DOCK6: variants seen among roughly 807,000 people sequenced by gnomAD.
DOCK6 encodes the protein dedicator of cytokinesis protein 6.
In DOCK6, 167 loss-of-function variants were observed where a neutral mutation model predicts 230.3. The observed-to-expected ratio is 0.73, with a 90% CI of 0.64 to 0.82. DOCK6 has a LOEUF of 0.82. DOCK6 is among the 40% of genes least tolerant of loss of function. The probability of loss-of-function intolerance (pLI) is 0.00; values close to 1 mark genes in which losing one functional copy is unlikely to be tolerated. For synonymous variants in DOCK6, 1,148 were observed against 1,185.0 expected (o/e 0.97, Z 0.64); for missense variants, 2,598 against 2,825.8 (o/e 0.92, Z 1.83).
In DOCK6 at chr19:11,224,190, T is replaced by TTTTCTTTCTTTC. The variant is rs199688091; in HGVS notation, c.2956-1096_2956-1085dup. 1.4e-3 allele frequency among the ~76,000 whole-genome samples: 210 copies of TTTTCTTTCTTTC among 146,398 alleles called. 2 individuals are homozygous for TTTTCTTTCTTTC. Among genetic ancestry groups the TTTTCTTTCTTTC allele is most frequent in the African/African-American group, 4.3e-3 (168 of 38,800 alleles). On this transcript the variant is annotated intron_variant, in intron 24 of 47. Coordinates refer to ENST00000294618, the MANE Select transcript of DOCK6 (RefSeq NM_020812.4). The stretch of plus-strand genomic sequence containing the variant: ...TTTCAATGGCAAAAACTGTAATTAC[T>TTTTCTTTCTTTC]TTTCTTTCTTTCTTTCTTTCTTTCT...
intron 4 of DOCK6, 55 bp downstream of exon 4, chr19:11,252,427 C>T: frequency 1.9e-5 from 30 of 1,602,100 alleles, no homozygotes; most frequent in Non-Finnish European, 2.5e-5. Flanking sequence ...CTGCAGACAT[C>T]AGCTCAGCCC....
rs2080111296 is a variant in DOCK6, at chr19:11,251,082, T to C, written c.512A>G (p.Asp171Gly). 1 of 1,609,546 alleles carries C rather than the reference T, an allele frequency of 6.2e-7. No homozygotes were observed. Among genetic ancestry groups the C allele is most frequent in the Admixed American group, 1.7e-5 (1 of 59,298 alleles). The change falls in exon 6 of 48, where the codon GAC (aspartate) becomes GGC (glycine). Residue 171 changes from aspartate (D) to glycine (G), a missense_variant. By Grantham distance (94) the Asp-to-Gly change is moderately conservative. Transcript: ENST00000294618. ...DERSGPEDSNDSRRGSGSPED... is the reference protein window; with the variant it reads ...DERSGPEDSNGSRRGSGSPED... Reference sequence around the variant, plus strand: ...CGGGGAGCCCGAGCCACGCCGGGAGTCATTCTGCCAGTGGAGAATGTGCAA... The same window carrying C: ...CGGGGAGCCCGAGCCACGCCGGGAGCCATTCTGCCAGTGGAGAATGTGCAA...
intron 22 of DOCK6, among the ~76,000 whole-genome samples, chr19:11,231,224 T>G (rs2079760755): frequency 6.6e-6 from 1 of 152,184 alleles, no homozygotes; most frequent in Admixed American, 6.5e-5. Context: ...CTCCTCTCTG[T>G]GCGTACAGTC....
At chr19:11,227,153 C>T (rs2079678351) in intron 24 of DOCK6, among the ~76,000 whole-genome samples, 184 bp downstream of exon 24, 1 of 152,200 alleles carries the variant, frequency 6.6e-6, no homozygotes, top group Non-Finnish European at 1.5e-5. Context: ...TATTGCTACA[C>T]CCAGCACAGG....
intron 39 of DOCK6, 118 bp from the exon 40 acceptor site, chr19:11,204,449 A>G (rs985530112): frequency 2.4e-5 from 34 of 1,422,138 alleles, no homozygotes; most frequent in Non-Finnish European, 3.1e-5. Context: ...CACCTCCTCC[A>G]GGAAGCCCAC....
At chr19:11,211,535 C>T (rs2079383869) in intron 37 of DOCK6, among the ~76,000 whole-genome samples, 1 of 146,348 alleles carries the variant, frequency 6.8e-6, no homozygotes, top group Non-Finnish European at 1.5e-5. Flanking sequence ...GTCTGCTCCC[C>T]TATCCCCCTT....
At position 11,214,169 on chromosome 19, in the gene DOCK6, C is replaced by T. The variant is rs970011087; in HGVS notation, c.4338+106G>A. ...CAAACTCCTGGCCTCAAGCGATCCT[C>T]CCACCTCAGCCTCCCAAAGTGCTGG... On this transcript the variant is annotated intron_variant, in intron 34 of 47. Coordinates refer to ENST00000294618, the MANE Select transcript of DOCK6 (RefSeq NM_020812.4). 7.6e-5 allele frequency: 109 copies of T among 1,438,242 alleles called. No individual in the cohort carries two copies. In the African/African-American group the frequency reaches 1.5e-3, roughly 20 times the overall value. 89.1% of individuals were successfully genotyped at this position (1,438,242 alleles called of 1,614,324 possible).
intron 24 of DOCK6, among the ~76,000 whole-genome samples, chr19:11,224,313 C>T (rs967729729): frequency 2.0e-5 from 3 of 151,170 alleles, no homozygotes; most frequent in Admixed American, 6.6e-5. Context: ...TGGGTTCAAG[C>T]GATTCTCCTG....
Position 11,214,437 on chromosome 19 carries a change from G to C in DOCK6, c.4204-28C>G. The C allele has an allele frequency of 1.9e-6, 3 of 1,613,674 alleles. No homozygotes were observed. In the Middle Eastern group the frequency reaches 4.9e-4, roughly 266 times the overall value. Reference sequence around the variant, plus strand: ...GGAGGGAAGGGGGTCAGAAATCCAGGTGTTAGAGCCTAGGGTGGTTATGGG... The same window carrying C: ...GGAGGGAAGGGGGTCAGAAATCCAGCTGTTAGAGCCTAGGGTGGTTATGGG... On this transcript the variant is annotated intron_variant, in intron 33 of 47. Coordinates refer to ENST00000294618, the MANE Select transcript of DOCK6 (RefSeq NM_020812.4).
At chr19:11,251,902 A>C in intron 5 of DOCK6, 1 of 638,558 alleles carries the variant, frequency 1.6e-6, no homozygotes, top group Non-Finnish European at 2.6e-6. Flanking sequence ...CCTGACTCCT[A>C]GGATGAAAGC....
At position 11,239,757 on chromosome 19, in the gene DOCK6, T is replaced by C. The variant is rs1541922; in HGVS notation, c.1644-1453A>G. Reference sequence around the variant, plus strand: ...ATGAGGAGCTGACCCTGCTCTTCCATGGGACCCTGCAGCTGGGCCAGGCCC... The same window carrying C: ...ATGAGGAGCTGACCCTGCTCTTCCACGGGACCCTGCAGCTGGGCCAGGCCC... On this transcript the variant is annotated intron_variant, in intron 14 of 47. Coordinates refer to ENST00000294618, the MANE Select transcript of DOCK6 (RefSeq NM_020812.4). The C allele has an allele frequency of 5.0e-3, 8,048 of 1,612,308 alleles. 300 individuals are homozygous for C. The African/African-American group carries it at 0.088, about 18-fold the overall frequency.
At chr19:11,239,269 A>G in intron 14 of DOCK6, among the ~76,000 whole-genome samples, 1 of 152,204 alleles carries the variant, frequency 6.6e-6, no homozygotes, top group East Asian at 1.9e-4. Context: ...TTGTAATGGC[A>G]GGTCAAACAG....
At position 11,222,922 on chromosome 19, in the gene DOCK6, G is replaced by C; in HGVS notation, c.3070-17C>G. ...CGTGGCCACCTGCAGGAGAGGGGTG[G>C]CCATCAGTGATGTCAACATTGCTCC... On this transcript the variant is annotated splice_polypyrimidine_tract_variant and intron_variant, in intron 25 of 47. Transcript: ENST00000294618. The surrounding 1 kb of genome is among the most constrained non-coding windows in gnomAD (Gnocchi z 4.0). 6.2e-7 allele frequency: 1 copy of C among 1,611,734 alleles called. No homozygotes were observed. The highest frequency in any genetic ancestry group is 1.3e-5 in the African/African-American group (1 of 74,978).
intron 47 of DOCK6, 51 bp from the exon 48 acceptor site, chr19:11,199,590 A>G (rs1430151927): frequency 6.5e-7 from 1 of 1,537,828 alleles, no homozygotes; most frequent in Admixed American, 1.9e-5. Flanking sequence ...CCCCAACTCC[A>G]TAGACCTCCC....
rs2080110095 is a variant in DOCK6, at chr19:11,251,040, C to T, written c.554G>A (p.Ser185Asn). 6.2e-7 allele frequency: 1 copy of T among 1,613,424 alleles called. No individual in the cohort carries two copies. Among genetic ancestry groups the T allele is most frequent in the Non-Finnish European group, 8.5e-7 (1 of 1,179,722 alleles). The change falls in exon 6 of 48, where the codon AGC (serine) becomes AAC (asparagine). Residue 185 changes from serine (S) to asparagine (N), a missense_variant. Ser to Asn is a conservative substitution (Grantham distance 46). Coordinates refer to ENST00000294618, the MANE Select transcript of DOCK6 (RefSeq NM_020812.4). Reference protein sequence around the residue: ...GSGSPEDTPRSSGASSIFDLR... With the variant: ...GSGSPEDTPRNSGASSIFDLR... Reference sequence around the variant, plus strand: ...GTCGAAGATGCTAGAGGCACCACTGCTTCGAGGGGTGTCTTCCGGGGAGCC... The same window carrying T: ...GTCGAAGATGCTAGAGGCACCACTGTTTCGAGGGGTGTCTTCCGGGGAGCC...
At position 11,223,088 on chromosome 19, in the gene DOCK6, G is replaced by A. The variant is rs747381159; in HGVS notation, c.2974C>T (p.His992Tyr). ...AAGAAAGCCAGGCTGGCGTTGAGGT[G>A]CTCGGCCAGCTCCACATCCTGGGGA... ...RVHKDVELAE[H>Y]LNASLAFFLS... The change falls in exon 25 of 48, where the codon CAC (histidine) becomes TAC (tyrosine). Residue 992 changes from histidine to tyrosine, a missense_variant. By Grantham distance (83) the His-to-Tyr change is moderately conservative. Coordinates refer to ENST00000294618, the MANE Select transcript of DOCK6 (RefSeq NM_020812.4). 1.2e-6 allele frequency: 2 copies of A among 1,613,246 alleles called. No homozygotes were observed. Among genetic ancestry groups the A allele is most frequent in the East Asian group, 2.2e-5 (1 of 44,880 alleles).
chr19:11,215,571 C>G, intron 31 of DOCK6, 100 bp from the exon 32 acceptor site: 3 of 1,343,782 alleles, frequency 2.2e-6, no homozygotes, highest in Non-Finnish European at 1.0e-6. Context: ...GGTGGGCTGA[C>G]CCATGAGGGC....
At position 11,237,710 on chromosome 19, in the gene DOCK6, C is replaced by T; in HGVS notation, c.1902G>A (p.Leu634=). Residue 634 remains leucine, a synonymous_variant, in exon 17 of 48, where the codon CTG becomes CTA. Transcript: ENST00000294618. ...GGCAGCTGACATGGTAGAAGGTGAACAGCAGGTGATGGTTCTCTGTCACGC... is the reference window on the plus strand; with the variant it reads ...GGCAGCTGACATGGTAGAAGGTGAATAGCAGGTGATGGTTCTCTGTCACGC... ...PACVTENHHL[L]FTFYHVSCQP... is the part of the protein sequence containing the mutation. 1 of 1,589,006 alleles carries T rather than the reference C, an allele frequency of 6.3e-7. No homozygotes were observed. Among genetic ancestry groups the T allele is most frequent in the Non-Finnish European group, 8.6e-7 (1 of 1,168,332 alleles).
At position 11,236,900 on chromosome 19, in the gene DOCK6, G is replaced by A. The variant is rs368801138; in HGVS notation, c.2074-21C>T. On this transcript the variant is annotated intron_variant, in intron 18 of 47. Transcript: ENST00000294618. The surrounding 1 kb of genome is among the most constrained non-coding windows in gnomAD (Gnocchi z 5.2). ...GCCACCTGTGGGAGGGAGGCACCAG[G>A]TGGGCACTGGTCAGCCCTCCCTGAC... 5 of 1,547,970 alleles carry A rather than the reference G, an allele frequency of 3.2e-6. No homozygotes were observed. The highest frequency in any genetic ancestry group is 2.0e-5 in the Admixed American group (1 of 50,868).
Sources: gnomAD v4.1 joint callset for allele counts (sites outside exome capture counted in the v4.1 genomes callset) on GRCh38, gnomAD v4.1.1 for gene constraint, Gnocchi (gnomAD v3.1) non-coding constraint, MANE v1.5 for transcripts, NCBI Gene and HGNC (gene_info 2026-07-23, HGNC 2026-07-21) for gene names.